The following SPIRE2 variants were observed in gnomAD, a reference collection of about 807,000 sequenced individuals.
SPIRE2 encodes the protein protein spire homolog 2.
A neutral mutation model predicts 80.7 loss-of-function variants in SPIRE2; 76 were observed. The observed-to-expected ratio is 0.94, with a 90% CI of 0.78 to 1.14. The LOEUF is 1.14. SPIRE2 is among the 50% of genes most tolerant of loss of function. SPIRE2 has a pLI of 0.00. For missense variants in SPIRE2, 1,196 were observed against 1,015.3 expected (o/e 1.18, Z -2.42); for synonymous variants, 535 against 432.6 (o/e 1.24, Z -2.94).
At chr16:89,865,497 G>A (rs762261905) in intron 12 of SPIRE2, among the ~76,000 whole-genome samples, 2 of 152,040 alleles carry the variant, frequency 1.3e-5, no homozygotes, top group Non-Finnish European at 2.9e-5. Context: ...GAGATAAGAT[G>A]GGACCATAAA....
chr16:89,863,190 C>T lies in SPIRE2; in HGVS notation c.1576-286C>T, dbSNP rs2041759287. 1 of 468,066 alleles carries T rather than the reference C, an allele frequency of 2.1e-6. No individual in the cohort carries two copies. The highest frequency in any genetic ancestry group is 3.9e-6 in the Non-Finnish European group (1 of 255,716). The allele number at this position is 468,066 out of a possible 1,614,324, so 29.0% of individuals were successfully genotyped here. ...CCCATGGTGTGTTTGCAGGCAGGGA[C>T]ACCTTGAACAGACATGGGCTGAGGG... On this transcript the variant is annotated intron_variant, in intron 10 of 14. Transcript: ENST00000378247. This position sits in a 1 kb window ranked among gnomAD's most constrained non-coding sequence, Gnocchi z 4.3.
In SPIRE2 at chr16:89,850,286, C is replaced by T. The variant is rs776472254; in HGVS notation, c.289-18C>T. On this transcript the variant is annotated intron_variant, in intron 2 of 14. Coordinates refer to ENST00000378247, the MANE Select transcript of SPIRE2 (RefSeq NM_032451.2). The stretch of plus-strand genomic sequence containing the variant: ...CCCCCCTGCAGTACCGCCCAGTGAC[C>T]GCGCCCCTGTCCCGCAGACCGTGCA... 3.1e-5 allele frequency: 49 copies of T among 1,597,392 alleles called. No homozygotes were observed. The highest frequency in any genetic ancestry group is 6.7e-5 in the South Asian group (6 of 89,780).
intron 2 of SPIRE2, among the ~76,000 whole-genome samples, chr16:89,847,982 CTCTG>C (rs776250688): frequency 5.9e-5 from 9 of 152,228 alleles, no homozygotes; most frequent in African/African-American, 1.9e-4. Context: ...TGCTTCCTCC[CTCTG>C]TCTGTCCTGT....
rs1225019284 is a variant in SPIRE2 at position 89,856,000 on chromosome 16, T to C, written c.979-113T>C. Reference sequence around the variant, plus strand: ...CTGGCAGGCTCTTCCGACTCCAGAGTGGGCCCGTGTCATGGTCACTTCCCC... The same window carrying C: ...CTGGCAGGCTCTTCCGACTCCAGAGCGGGCCCGTGTCATGGTCACTTCCCC... On this transcript the variant is annotated intron_variant, in intron 6 of 14. Transcript: ENST00000378247. 4.0e-6 allele frequency: 6 copies of C among 1,500,124 alleles called. No individual in the cohort carries two copies. In the South Asian group the frequency reaches 5.3e-5, roughly 13 times the overall value. The allele number at this position is 1,500,124 out of a possible 1,614,324, so 92.9% of individuals were successfully genotyped here. A position where few individuals can be genotyped will look rare whatever the true frequency, so the allele number is the denominator to read the frequency against.
intron 9 of SPIRE2, among the ~76,000 whole-genome samples, chr16:89,859,805 G>A (rs1283416551): frequency 6.6e-6 from 1 of 152,012 alleles, no homozygotes; most frequent in African/African-American, 2.4e-5. Context: ...GGCTGTGCAG[G>A]GCTGGTCCTA....
intron 13 of SPIRE2, 140 bp downstream of exon 13, chr16:89,868,356 C>A: frequency 2.2e-6 from 2 of 923,050 alleles, no homozygotes; most frequent in Non-Finnish European, 1.7e-6. Flanking sequence ...CCTATACTTT[C>A]CAAGATAGTG....
chr16:89,844,697 C>G (rs767033490), intron 1 of SPIRE2, among the ~76,000 whole-genome samples: 3 of 152,206 alleles, frequency 2.0e-5, no homozygotes, highest in Non-Finnish European at 4.4e-5. Context: ...CTCAGCCTCC[C>G]AAAGTGCCGG....
chr16:89,846,678 A>T (rs1220937831), intron 2 of SPIRE2: 1 of 149,436 alleles, frequency 6.7e-6, no homozygotes, highest in East Asian at 2.0e-4. Flanking sequence ...ATGCCCGGCT[A>T]ATTTTTGTAT....
intron 13 of SPIRE2, among the ~76,000 whole-genome samples, chr16:89,869,053 A>AAAAAAAAATATATATATATAT: frequency 4.2e-5 from 1 of 24,028 alleles, no homozygotes; most frequent in Non-Finnish European, 7.5e-5. Context: ...AAAAAAAAAA[A>AAAAAAAAATATATATATATAT]ATATATATAT....
intron 1 of SPIRE2, among the ~76,000 whole-genome samples, chr16:89,837,825 A>G (rs998634271): frequency 6.6e-6 from 1 of 152,184 alleles, no homozygotes; most frequent in African/African-American, 2.4e-5. Context: ...GCCAGGGATC[A>G]GCCACCGCCC....
chr16:89,850,261 C>T (rs755201300), intron 2 of SPIRE2, 43 bp from the exon 3 acceptor site: 5 of 1,556,578 alleles, frequency 3.2e-6, no homozygotes, highest in Middle Eastern at 1.7e-4. Context: ...CCCCGCCCCA[C>T]CCCCCTGCAG....
At chr16:89,832,039 C>T (rs2041389695) in intron 1 of SPIRE2, among the ~76,000 whole-genome samples, 1 of 152,242 alleles carries the variant, frequency 6.6e-6, no homozygotes, top group Non-Finnish European at 1.5e-5. Flanking sequence ...CTCCATCCCG[C>T]GCCGTGCTGA....
At chr16:89,844,490 G>A (rs994133155) in intron 1 of SPIRE2, among the ~76,000 whole-genome samples, 6 of 151,240 alleles carry the variant, frequency 4.0e-5, no homozygotes, top group African/African-American at 1.5e-4. Context: ...CCAGGCTGGA[G>A]TGCAGTGGTG....
At chr16:89,829,762 C>T (rs185197676) in intron 1 of SPIRE2, among the ~76,000 whole-genome samples, 2 of 147,632 alleles carry the variant, frequency 1.4e-5, no homozygotes, top group African/African-American at 4.9e-5. Flanking sequence ...GTATCCCACA[C>T]AGGTGACAGC....
chr16:89,867,756 T>G (rs2041802719), intron 12 of SPIRE2, among the ~76,000 whole-genome samples: 1 of 152,076 alleles, frequency 6.6e-6, no homozygotes, highest in African/African-American at 2.4e-5. Context: ...AACTCATTTT[T>G]GTATTTTTAG....
intron 8 of SPIRE2, 50 bp downstream of exon 8, chr16:89,858,557 G>C: frequency 6.7e-7 from 1 of 1,486,388 alleles, no homozygotes; most frequent in Non-Finnish European, 8.9e-7. Flanking sequence ...GGGAGGATGG[G>C]GGCCAAGGAA....
Position 89,850,545 on chromosome 16 carries a change from C to T in SPIRE2, c.530C>T (p.Ala177Val), listed in dbSNP as rs199593632. ...GCCCAGGCCATGCGGCTGTGCGCGG[C>T]GCGGCTGACCGACCCCCGGGGCGCA... is the stretch of plus-strand genomic sequence containing the variant. Reference protein sequence around the residue: ...TFAQAMRLCAARLTDPRGAQA... With the variant: ...TFAQAMRLCAVRLTDPRGAQA... Residue 177 changes from alanine (A) to valine (V), a missense_variant, in exon 3 of 15, where the codon GCG (alanine) becomes GTG (valine). By Grantham distance (64) the Ala-to-Val change is moderately conservative. Coordinates refer to ENST00000378247, the MANE Select transcript of SPIRE2 (RefSeq NM_032451.2). 6.0e-6 allele frequency: 9 copies of T among 1,511,262 alleles called. No individual in the cohort carries two copies. The highest frequency in any genetic ancestry group is 7.1e-6 in the Non-Finnish European group (8 of 1,134,522). The allele number at this position is 1,511,262 out of a possible 1,614,324, so 93.6% of individuals were successfully genotyped here. A position where few individuals can be genotyped will look rare whatever the true frequency, so the allele number is the denominator to read the frequency against.
rs1159652780 is a variant in SPIRE2 at position 89,830,149 on chromosome 16, C to T, written c.244+1355C>T. On this transcript the variant is annotated intron_variant, in intron 1 of 14. Coordinates refer to ENST00000378247, the MANE Select transcript of SPIRE2 (RefSeq NM_032451.2). ...TGTCCTAGCTGTGCGGGAGCCCAGCCGCCTGCTTCCTGTTGGTGCTGTGCA... is the reference window on the plus strand; with the variant it reads ...TGTCCTAGCTGTGCGGGAGCCCAGCTGCCTGCTTCCTGTTGGTGCTGTGCA... 2.0e-5 allele frequency among the ~76,000 whole-genome samples: 3 copies of T among 151,208 alleles called. 1 individual carries two copies. Among genetic ancestry groups the T allele is most frequent in the Non-Finnish European group, 4.4e-5 (3 of 67,426 alleles).
Position 89,854,634 on chromosome 16 carries a change from A to G in SPIRE2, c.874A>G (p.Lys292Glu), listed in dbSNP as rs1383018224. The change falls in exon 5 of 15, where the codon AAG becomes GAG. Residue 292 changes from lysine to glutamate, a missense_variant. By Grantham distance (56) the Lys-to-Glu change is moderately conservative. Transcript: ENST00000378247. ...LMQDIRARNY[K>E]LRKVMVDGDI... ...GCAGGACATCCGGGCCCGGAACTAC[A>G]AGCTGCGCAAGGTCATGGTGAGCGG... 6.4e-7 allele frequency: 1 copy of G among 1,572,992 alleles called. No individual in the cohort carries two copies. Among genetic ancestry groups the G allele is most frequent in the Admixed American group, 1.7e-5 (1 of 58,004 alleles).
Sources: allele counts gnomAD v4.1 joint callset (sites outside exome capture counted in the v4.1 genomes callset), GRCh38; gene constraint gnomAD v4.1.1; non-coding constraint Gnocchi (gnomAD v3.1); transcripts MANE v1.5; gene names NCBI Gene and HGNC (gene_info 2026-07-23, HGNC 2026-07-21).